The following ERICH3 variants were observed in gnomAD, a reference collection of about 807,000 sequenced individuals.
ERICH3 encodes glutamate-rich protein 3.
A neutral mutation model predicts 131.1 loss-of-function variants in ERICH3; 126 were observed. The ratio of observed to expected loss-of-function variants is 0.96; its 90% CI spans 0.83 to 1.11. The LOEUF (loss-of-function observed/expected upper bound fraction) is 1.11. Ranked by LOEUF, ERICH3 falls within the 50% of genes most tolerant of loss-of-function variation. The pLI, the probability that ERICH3 is intolerant of heterozygous loss-of-function variation, is 0.00. For missense variants in ERICH3, 2,050 were observed against 1,810.7 expected, an observed-to-expected ratio of 1.13 and a Z score of -2.40; for synonymous variants, 695 against 644.6, an observed-to-expected ratio of 1.08 and a Z score of -1.18.
chr1:74,579,369 A>C (rs1193538420), intron 12 of ERICH3: 1 of 983,806 alleles, frequency 1.0e-6, no homozygotes, highest in Non-Finnish European at 1.2e-6. Context: ...TAAGAAGCCA[A>C]ACAATACTAA....
intron 8 of ERICH3, among the ~76,000 whole-genome samples, chr1:74,618,216 A>C (rs1030236688): frequency 2.0e-5 from 3 of 152,190 alleles, no homozygotes; most frequent in Non-Finnish European, 2.9e-5. Context: ...GAACTGCTTC[A>C]GTTTTGAGTG....
chr1:74,669,357 A>T (rs1557707902), intron 1 of ERICH3, among the ~76,000 whole-genome samples: 1 of 152,154 alleles, frequency 6.6e-6, no homozygotes. Flanking sequence ...TCCTTCCTCA[A>T]AGAAAATTTA....
At position 74,573,317 on chromosome 1, in the gene ERICH3, C is replaced by T. The variant is rs894706041; in HGVS notation, c.2393G>A (p.Trp798Ter). The change falls in exon 14 of 15, where the codon TGG becomes TAG. Residue 798 changes from tryptophan to a stop codon, truncating the protein, a stop_gained. Coordinates refer to ENST00000326665, the MANE Select transcript of ERICH3 (RefSeq NM_001002912.5). LOFTEE classifies it high-confidence loss of function. Reference protein sequence around the residue: ...IVQGKGEAALWGEAGAVHEAP... With the variant: ...IVQGKGEAAL ...CTCATGAACAGCTCCTGCTTCTCCC[C>T]ACAGTGCTGCCTCCCCTTTTCCCTG... 3 of 1,604,306 alleles carry T rather than the reference C, an allele frequency of 1.9e-6. No homozygotes were observed. The Admixed American group carries it at 5.2e-5, about 28-fold the overall frequency.
intron 1 of ERICH3, among the ~76,000 whole-genome samples, chr1:74,649,664 G>A (rs1049645604): frequency 1.3e-5 from 2 of 152,128 alleles, no homozygotes; most frequent in Middle Eastern, 3.2e-3. Flanking sequence ...CACATTGGAG[G>A]CCTGATGGGA....
chr1:74,669,475 T>G (rs889196205), intron 1 of ERICH3, among the ~76,000 whole-genome samples: 2 of 152,170 alleles, frequency 1.3e-5, no homozygotes, highest in Non-Finnish European at 2.9e-5. Flanking sequence ...GACTGAGGGA[T>G]ATAAAACCAC....
At chr1:74,633,730 T>C (rs1263683966) in intron 6 of ERICH3, among the ~76,000 whole-genome samples, 2 of 152,058 alleles carry the variant, frequency 1.3e-5, no homozygotes, top group Non-Finnish European at 2.9e-5. Flanking sequence ...CAAAATATTC[T>C]TGAATCTGTT....
At chr1:74,575,496 G>A (rs1018447532) in intron 13 of ERICH3, among the ~76,000 whole-genome samples, 2 of 152,290 alleles carry the variant, frequency 1.3e-5, no homozygotes, top group South Asian at 2.1e-4. Flanking sequence ...ATTCACCTGA[G>A]AGAATATGGT....
chr1:74,592,869 A>G (rs1379140527), intron 11 of ERICH3, among the ~76,000 whole-genome samples: 1 of 151,926 alleles, frequency 6.6e-6, no homozygotes, highest in Non-Finnish European at 1.5e-5. Flanking sequence ...AAAAAAGCTA[A>G]AAAAGCTTCA....
chr1:74,608,438 CAGA>C (rs1451039594), intron 9 of ERICH3, among the ~76,000 whole-genome samples: 1 of 151,868 alleles, frequency 6.6e-6, no homozygotes, highest in Non-Finnish European at 1.5e-5. Context: ...TTGCTAGTCC[CAGA>C]AGAATAGAAA....
intron 9 of ERICH3, among the ~76,000 whole-genome samples, chr1:74,609,573 G>A (rs1648588320): frequency 6.6e-6 from 1 of 151,946 alleles, no homozygotes; most frequent in African/African-American, 2.4e-5. Context: ...GTGAGGAAGA[G>A]GACAAACAAA....
chr1:74,645,024 T>C (rs1646469207), intron 3 of ERICH3, among the ~76,000 whole-genome samples: 1 of 151,970 alleles, frequency 6.6e-6, no homozygotes, highest in South Asian at 2.1e-4. Context: ...CTTTCACACC[T>C]CTGCAACTTC....
At chr1:74,641,239 G>T in intron 5 of ERICH3, 92 bp downstream of exon 5, 1 of 1,441,734 alleles carries the variant, frequency 6.9e-7, no homozygotes, top group Non-Finnish European at 9.4e-7. Flanking sequence ...GCATTACGGA[G>T]TCATGCTCCC....
At chr1:74,592,997 G>A (rs546920935) in intron 11 of ERICH3, among the ~76,000 whole-genome samples, 1 of 152,028 alleles carries the variant, frequency 6.6e-6, no homozygotes, top group African/African-American at 2.4e-5. Flanking sequence ...TCATTAGGAG[G>A]GAAAAATTAT....
chr1:74,654,183 G>T (rs1166072554), intron 1 of ERICH3, among the ~76,000 whole-genome samples: 1 of 151,942 alleles, frequency 6.6e-6, no homozygotes, highest in African/African-American at 2.4e-5. Context: ...GTCCTCACAA[G>T]AATCACCTTT....
intron 1 of ERICH3, among the ~76,000 whole-genome samples, chr1:74,660,665 A>G (rs1223284258): frequency 6.7e-6 from 1 of 148,426 alleles, no homozygotes; most frequent in African/African-American, 2.5e-5. Context: ...TGTGTATACA[A>G]GTGTATATGT....
At chr1:74,575,259 TA>T (rs1193256925) in intron 13 of ERICH3, among the ~76,000 whole-genome samples, 2 of 152,230 alleles carry the variant, frequency 1.3e-5, no homozygotes, top group African/African-American at 2.4e-5. Context: ...CATTTTGAGG[TA>T]AAGCAATAAT....
intron 1 of ERICH3, among the ~76,000 whole-genome samples, chr1:74,664,212 A>G (rs1220330281): frequency 1.3e-5 from 2 of 152,050 alleles, no homozygotes; most frequent in Non-Finnish European, 2.9e-5. Flanking sequence ...ATAATTATTT[A>G]TGGATGTAGA....
chr1:74,647,046 A>C (rs116787849), intron 2 of ERICH3, among the ~76,000 whole-genome samples: 2,643 of 152,096 alleles, frequency 0.017, 43 homozygotes, highest in Non-Finnish European at 0.024. Context: ...ATATATCACT[A>C]TGGTTGATCA....
chr1:74,655,959 CA>C (rs1298355829), intron 1 of ERICH3, among the ~76,000 whole-genome samples: 2 of 152,178 alleles, frequency 1.3e-5, no homozygotes, highest in Non-Finnish European at 2.9e-5. Context: ...TCTCCCTTCT[CA>C]CTGCATCACT....
Sources: allele counts gnomAD v4.1 joint callset (sites outside exome capture counted in the v4.1 genomes callset), GRCh38; gene constraint gnomAD v4.1.1; transcripts MANE v1.5; gene names NCBI Gene and HGNC (gene_info 2026-07-23, HGNC 2026-07-21).